The following GALNT16 variants were observed in gnomAD, a reference collection of about 807,000 sequenced individuals.
GALNT16 encodes UDP-GalNAc:polypeptide N-acetylgalactosaminyltransferase-like protein 1.
GALNT16 carries 40 observed loss-of-function variants against 76.1 expected under a neutral mutation model. That is an observed-to-expected ratio of 0.53 (90% CI 0.41 to 0.68). The LOEUF (loss-of-function observed/expected upper bound fraction) is 0.68, where lower values mean the gene tolerates loss of function less well. GALNT16 is among the 30% of genes least tolerant of loss of function. The probability of loss-of-function intolerance (pLI) is 0.00; values close to 1 mark genes in which losing one functional copy is unlikely to be tolerated. For missense variants in GALNT16, 621 were observed against 731.9 expected (o/e 0.85, Z 1.75); for synonymous variants, 276 against 285.2 (o/e 0.97, Z 0.32).
intron 4 of GALNT16, 31 bp from the exon 5 acceptor site, chr14:69,325,931 A>AT (rs1388422990): frequency 1.9e-6 from 3 of 1,594,824 alleles, no homozygotes; most frequent in Non-Finnish European, 2.6e-6. Context: ...CCCATGTCTA[A>AT]ATGAGCTTGC....
In GALNT16 at chr14:69,334,384, G is replaced by T. The variant is rs894819363; in HGVS notation, c.967+784G>T. On this transcript the variant is annotated intron_variant, in intron 9 of 14. Coordinates refer to ENST00000448469, the MANE Select transcript of GALNT16 (RefSeq NM_001168368.2). ...TCTGGACTCCAGTATGTGTGGGCTG[G>T]CAAGCCAGTCAACTCTTTGAACCTC... Among the ~76,000 whole-genome samples the T allele has an allele frequency of 7.2e-5, 11 of 152,224 alleles. 1 individual carries two copies. The highest frequency in any genetic ancestry group is 1.5e-4 in the Non-Finnish European group (10 of 68,040).
chr14:69,365,124 T>C, the GALNT16 span, among the ~76,000 whole-genome samples: 18,932 of 152,174 alleles, frequency 0.12, 1,424 homozygotes, highest in Middle Eastern at 0.26. Context: ...TAGGCAATTC[T>C]ATTAAAATTA....
At chr14:69,346,815 G>A (rs941115573) in intron 12 of GALNT16, among the ~76,000 whole-genome samples, 11 of 152,134 alleles carry the variant, frequency 7.2e-5, no homozygotes, top group African/African-American at 2.7e-4. Context: ...CAGCCTCCAG[G>A]GCAGAGGGTC....
intron 1 of GALNT16, among the ~76,000 whole-genome samples, chr14:69,310,135 T>G (rs951528356): frequency 6.6e-6 from 1 of 152,146 alleles, no homozygotes; most frequent in Non-Finnish European, 1.5e-5. Context: ...CTGTTTATAG[T>G]AAGACATACT....
Position 69,338,773 on chromosome 14 carries a change from A to G in GALNT16, c.1090A>G (p.Ile364Val). The change falls in exon 10 of 15, where the codon ATC becomes GTC. Residue 364 changes from isoleucine (I) to valine (V), a missense_variant. Physicochemically the swap from Ile to Val is conservative, Grantham distance 29 (BLOSUM62 3). Coordinates refer to ENST00000448469, the MANE Select transcript of GALNT16 (RefSeq NM_001168368.2). Reference protein sequence around the residue: ...NFPEGNALTYIRNTKRTAEVW... With the variant: ...NFPEGNALTYVRNTKRTAEVW... ...CCCTGAGGGTAATGCCCTCACCTAC[A>G]TCAGGTAGGTCACCGAGAAAGGAGC... The G allele has an allele frequency of 1.2e-6, 2 of 1,608,454 alleles. No homozygotes were observed. Among genetic ancestry groups the G allele is most frequent in the Non-Finnish European group, 1.7e-6 (2 of 1,175,946 alleles).
chr14:69,335,713 G>T (rs948726415), intron 9 of GALNT16, among the ~76,000 whole-genome samples: 2 of 152,202 alleles, frequency 1.3e-5, no homozygotes, highest in Non-Finnish European at 2.9e-5. Flanking sequence ...GTGCTCAGAC[G>T]TTCAGCCGCT....
chr14:69,369,042 G>C, the GALNT16 span, among the ~76,000 whole-genome samples: 1 of 152,180 alleles, frequency 6.6e-6, no homozygotes, highest in South Asian at 2.1e-4. Context: ...CTTGTTGCCT[G>C]AGCTAAGTCA....
chr14:69,331,602 A>T, intron 7 of GALNT16, 51 bp downstream of exon 7: 1 of 1,024,086 alleles, frequency 9.8e-7, no homozygotes, highest in Non-Finnish European at 1.6e-6. Flanking sequence ...GAGGTAGGTG[A>T]GGCTAGGCAG....
chr14:69,260,241 C>G lies in GALNT16; in HGVS notation c.-50C>G, dbSNP rs1451396964. 1 of 1,552,812 alleles carries G rather than the reference C, an allele frequency of 6.4e-7. No individual in the cohort carries two copies. The highest frequency in any genetic ancestry group is 1.7e-5 in the Admixed American group (1 of 59,376). Reference sequence around the variant, plus strand: ...GGCTGCGAGCGCCCCCGCCCCGGCCCCGAGAGCACGCCGGCCCAGTCCCCC... The same window carrying G: ...GGCTGCGAGCGCCCCCGCCCCGGCCGCGAGAGCACGCCGGCCCAGTCCCCC... On this transcript the variant is annotated 5_prime_UTR_variant, in exon 1 of 15. Transcript: ENST00000448469.
At chr14:69,346,719 G>A (rs2045569119) in intron 12 of GALNT16, among the ~76,000 whole-genome samples, 1 of 152,200 alleles carries the variant, frequency 6.6e-6, no homozygotes, top group Admixed American at 6.5e-5. Context: ...AGGCTCTCCT[G>A]AGGCTTTCCT....
intron 1 of GALNT16, among the ~76,000 whole-genome samples, chr14:69,286,561 T>A (rs1009824587): frequency 1.3e-5 from 2 of 152,022 alleles, no homozygotes. Flanking sequence ...GCCTCAGCCT[T>A]CCAAAGTGCT....
At chr14:69,260,136 A>AAACCCC, upstream of GALNT16, 2 of 113,994 alleles carry the variant, frequency 1.8e-5, no homozygotes, top group Non-Finnish European at 3.5e-5. Context: ...TCTCCCTATC[A>AAACCCC]CCCCCCCGCC....
chr14:69,301,179 T>C (rs2044846465), intron 1 of GALNT16, among the ~76,000 whole-genome samples: 1 of 152,098 alleles, frequency 6.6e-6, no homozygotes, highest in South Asian at 2.1e-4. Flanking sequence ...CCTCAGGAGT[T>C]TGTGAGCCTC....
chr14:69,277,140 T>C (rs2140111285), intron 1 of GALNT16, among the ~76,000 whole-genome samples: 1 of 152,356 alleles, frequency 6.6e-6, no homozygotes, highest in South Asian at 2.1e-4. Context: ...AAAATGGGTG[T>C]GTCTTCATGA....
chr14:69,345,148 G>T (rs1358945986), intron 12 of GALNT16, among the ~76,000 whole-genome samples: 1 of 152,224 alleles, frequency 6.6e-6, no homozygotes, highest in Admixed American at 6.5e-5. Flanking sequence ...GCTAGATTCA[G>T]ATTTGAAGGT....
chr14:69,272,444 A>G (rs1468883963), intron 1 of GALNT16, among the ~76,000 whole-genome samples: 2 of 152,176 alleles, frequency 1.3e-5, no homozygotes, highest in African/African-American at 2.4e-5. Flanking sequence ...TGCTGCAACA[A>G]TGTTTTGGTC....
chr14:69,365,538 C>T, the GALNT16 span, among the ~76,000 whole-genome samples: 3 of 152,146 alleles, frequency 2.0e-5, no homozygotes, highest in African/African-American at 7.2e-5. Flanking sequence ...AAACCAAATA[C>T]CACAAGTTCT....
At chr14:69,265,352 C>G (rs1398800380) in intron 1 of GALNT16, among the ~76,000 whole-genome samples, 4 of 152,190 alleles carry the variant, frequency 2.6e-5, no homozygotes, top group Non-Finnish European at 5.9e-5. Context: ...GCTGTAACAG[C>G]AATTTACCCC....
At chr14:69,380,098 CA>C in the GALNT16 span, 18,463 of 114,148 alleles carry the variant, frequency 0.16, 1,225 homozygotes, top group Middle Eastern at 0.29. Context: ...TGTTCAAAGA[CA>C]AAAAAAAAAA....
Sources: gnomAD v4.1 joint callset for allele counts (sites outside exome capture counted in the v4.1 genomes callset) on GRCh38, gnomAD v4.1.1 for gene constraint, MANE v1.5 for transcripts, NCBI Gene and HGNC (gene_info 2026-07-23, HGNC 2026-07-21) for gene names.